IQSEC2: variants seen among roughly 807,000 people sequenced by gnomAD.
IQSEC2 encodes the protein IQ motif and Sec7 domain ArfGEF 2.
Under a neutral mutation model 74.6 loss-of-function variants are expected in IQSEC2, and 6 were observed. The observed-to-expected ratio is 0.08, with a 90% CI of 0.04 to 0.16. The LOEUF (loss-of-function observed/expected upper bound fraction) is 0.16. IQSEC2 is among the 10% of genes least tolerant of loss of function. The pLI is 1.00. For missense variants in IQSEC2, 734 were observed against 1,306.2 expected, an observed-to-expected ratio of 0.56 and a Z score of 6.75; for synonymous variants, 494 against 544.5, an observed-to-expected ratio of 0.91 and a Z score of 1.29.
chrX:53,311,131 A>AAAAAAAAAAAAAAAAAAAC (rs1472857475), intron 1 of IQSEC2, among the ~76,000 whole-genome samples: 1 of 95,979 alleles, frequency 1.0e-5, no homozygotes, highest in Non-Finnish European at 2.1e-5. Flanking sequence ...CAAAAAAAAA[A>AAAAAAAAAAAAAAAAAAAC]AAAAGAAAAG....
intron 6 of IQSEC2, 81 bp downstream of exon 6, chrX:53,248,640 G>T: frequency 9.5e-7 from 1 of 1,052,529 alleles, no homozygotes. Context: ...TGAGCTAAAG[G>T]GACAGGCTGC....
At chrX:53,305,394 T>G (rs112331154) in intron 1 of IQSEC2, among the ~76,000 whole-genome samples, 1,872 of 108,050 alleles carry the variant, frequency 0.017, 18 homozygotes, top group Non-Finnish European at 0.026. Context: ...TTTCATTTTT[T>G]GTAGAGATGG....
chrX:53,228,580 T>C (rs782294278), downstream of IQSEC2, among the ~76,000 whole-genome samples: 3 of 112,138 alleles, frequency 2.7e-5, no homozygotes, highest in Admixed American at 2.8e-4. Context: ...ACCCCATTCA[T>C]GTTTTGTGGA....
intron 2 of IQSEC2, among the ~76,000 whole-genome samples, chrX:53,278,774 A>G (rs1329116366): frequency 8.9e-6 from 1 of 112,611 alleles, no homozygotes. Flanking sequence ...AAGTATTTTT[A>G]AACTTTCAAA....
chrX:53,318,174 C>T (rs2075396977), intron 1 of IQSEC2, among the ~76,000 whole-genome samples: 1 of 112,027 alleles, frequency 8.9e-6, no homozygotes, highest in Admixed American at 9.4e-5. Context: ...ATCTTGGAGC[C>T]TCAGTTTCCC....
At chrX:53,309,581 C>T (rs1315836274) in intron 1 of IQSEC2, among the ~76,000 whole-genome samples, 2 of 111,573 alleles carry the variant, frequency 1.8e-5, no homozygotes, top group African/African-American at 6.5e-5. Context: ...CTAACTAACC[C>T]CTTGGTTCCT....
At chrX:53,308,919 G>A (rs782393694) in intron 1 of IQSEC2, among the ~76,000 whole-genome samples, 10 of 108,229 alleles carry the variant, frequency 9.2e-5, no homozygotes, top group Non-Finnish European at 1.7e-4. Flanking sequence ...GCAACATAGC[G>A]AGACCCCGTC....
At chrX:53,310,412 C>CAAAA (rs1277522007) in intron 1 of IQSEC2, among the ~76,000 whole-genome samples, 1 of 108,802 alleles carries the variant, frequency 9.2e-6, no homozygotes, top group African/African-American at 3.3e-5. Context: ...AACAAACAAA[C>CAAAA]AAAAAACTTG....
At chrX:53,244,979 T>TGA (rs1240478258) in intron 8 of IQSEC2, among the ~76,000 whole-genome samples, 1 of 109,502 alleles carries the variant, frequency 9.1e-6, no homozygotes, top group African/African-American at 3.3e-5. Flanking sequence ...ACACATATAT[T>TGA]GAGAGAGAGA....
intron 1 of IQSEC2, among the ~76,000 whole-genome samples, chrX:53,300,620 G>A (rs1330675046): frequency 1.8e-5 from 2 of 111,696 alleles, no homozygotes; most frequent in Non-Finnish European, 3.8e-5. Flanking sequence ...CGAAATTAAT[G>A]AATAAATGAA....
chrX:53,320,257 G>A (rs1476072025), intron 1 of IQSEC2, among the ~76,000 whole-genome samples, 160 bp downstream of exon 1: 2 of 111,824 alleles, frequency 1.8e-5, no homozygotes, highest in Non-Finnish European at 3.8e-5. Flanking sequence ...GGTGGCCAGG[G>A]AAGGGGTGTC....
At chrX:53,240,964 C>T (rs192826600) in intron 10 of IQSEC2, among the ~76,000 whole-genome samples, 34 of 110,787 alleles carry the variant, frequency 3.1e-4, no homozygotes, top group Non-Finnish European at 5.9e-4. Context: ...TTAGTAGAGA[C>T]GAGGTTTCTC....
intron 2 of IQSEC2, among the ~76,000 whole-genome samples, chrX:53,280,499 C>T (rs1294113616): frequency 9.1e-6 from 1 of 110,062 alleles, no homozygotes; most frequent in African/African-American, 3.3e-5. Flanking sequence ...GCGGAGGAGG[C>T]TGACAAGGTC....
At chrX:53,237,972 T>G in intron 12 of IQSEC2, 173 bp downstream of exon 12, 1 of 526,233 alleles carries the variant, frequency 1.9e-6, no homozygotes. Flanking sequence ...TGGGAGGTAA[T>G]GAGCCCCTTG....
intron 2 of IQSEC2, among the ~76,000 whole-genome samples, chrX:53,290,429 T>C (rs1050209166): frequency 6.2e-5 from 7 of 112,119 alleles, no homozygotes; most frequent in Non-Finnish European, 1.3e-4. Flanking sequence ...ATCTTCTTCT[T>C]CAACAAGTAG....
chrX:53,266,890 G>A, intron 2 of IQSEC2: 2 of 606,812 alleles, frequency 3.3e-6, no homozygotes, highest in South Asian at 2.5e-5. Flanking sequence ...GGAATCTGCG[G>A]GGGGGTGGGT....
At position 53,320,639 on chromosome X, in the gene IQSEC2, T is replaced by C; in HGVS notation, c.485A>G (p.Glu162Gly). ...RDVAQCHLHH[E>G]NPALGRERGG... ...ACGCTCGCGACCCAGGGCTGGGTTCTCGTGGTGCAGGTGGCACTGGGCCAC... is the reference window on the plus strand; with the variant it reads ...ACGCTCGCGACCCAGGGCTGGGTTCCCGTGGTGCAGGTGGCACTGGGCCAC... The change falls in exon 1 of 15, where the codon GAG (glutamate) becomes GGG (glycine). Residue 162 changes from glutamate to glycine, a missense_variant. Transcript: ENST00000642864. The C allele has an allele frequency of 4.3e-6, 5 of 1,161,939 alleles. No individual in the cohort carries two copies. The highest frequency in any genetic ancestry group is 5.7e-6 in the Non-Finnish European group (5 of 870,585).
chrX:53,316,175 C>A (rs782778698), intron 1 of IQSEC2, among the ~76,000 whole-genome samples: 1 of 112,043 alleles, frequency 8.9e-6, no homozygotes, highest in East Asian at 2.8e-4. Flanking sequence ...CGTGGCCCCT[C>A]CTGCGCTGTG....
chrX:53,236,482 C>T lies in IQSEC2; in HGVS notation c.3291G>A (p.Lys1097=), dbSNP rs782455235. Residue 1097 remains lysine, a synonymous_variant, in exon 13 of 15, where the codon AAG becomes AAA. Coordinates refer to ENST00000642864, the MANE Select transcript of IQSEC2 (RefSeq NM_001111125.3). The stretch of plus-strand genomic sequence containing the variant: ...CGTTAGGCCGCATCATACCTTTCTG[C>T]TTCTCCAGCTCCGCTGGGTGGCAGT... ...EKYRVESELE[K]QKGMMRPNAS... 9 of 1,195,458 alleles carry T rather than the reference C, an allele frequency of 7.5e-6. No individual in the cohort carries two copies. The highest frequency in any genetic ancestry group is 1.0e-5 in the Non-Finnish European group (9 of 887,139).
Sources: gnomAD v4.1 joint callset for allele counts (sites outside exome capture counted in the v4.1 genomes callset) on GRCh38, gnomAD v4.1.1 for gene constraint, MANE v1.5 for transcripts, NCBI Gene and HGNC (gene_info 2026-07-23, HGNC 2026-07-21) for gene names.